HAUS6: variants seen among roughly 807,000 people sequenced by gnomAD.
The protein encoded by HAUS6 is HAUS augmin like complex subunit 6, also known as HAUS augmin-like complex subunit 6.
A neutral mutation model predicts 106.8 loss-of-function variants in HAUS6; 80 were observed. That is an observed-to-expected ratio of 0.75 (90% CI 0.63 to 0.90). The LOEUF is 0.90. Ranked by LOEUF, HAUS6 falls within the 40% of genes least tolerant of loss-of-function variation. The pLI, the probability that HAUS6 is intolerant of heterozygous loss-of-function variation, is 0.00. For missense variants in HAUS6, 1,155 were observed against 1,118.1 expected, an observed-to-expected ratio of 1.03 and a Z score of -0.47; for synonymous variants, 356 against 379.1, an observed-to-expected ratio of 0.94 and a Z score of 0.71.
chr9:19,053,968 A>C lies in HAUS6; in HGVS notation c.*2375T>G, dbSNP rs1227024843. 1 of 152,158 alleles carries C rather than the reference A, an allele frequency of 6.6e-6. No individual in the cohort carries two copies. The highest frequency in any genetic ancestry group is 1.5e-5 in the Non-Finnish European group (1 of 68,008). 9.4% of individuals were successfully genotyped at this position (152,158 alleles called of 1,614,324 possible). ...GCAACCATAAAAAATATATAATAAA[A>C]TCAATTCGTGGGATATTAAATGAAT... On this transcript the variant is annotated 3_prime_UTR_variant, in exon 17 of 17. Coordinates refer to ENST00000380502, the MANE Select transcript of HAUS6 (RefSeq NM_017645.5).
chr9:19,101,355 G>T (rs1817983360), intron 1 of HAUS6, among the ~76,000 whole-genome samples: 1 of 150,160 alleles, frequency 6.7e-6, no homozygotes, highest in African/African-American at 2.5e-5. Flanking sequence ...CCTAGGCATG[G>T]TGCCACGCAC....
chr9:19,102,821 T>C lies in HAUS6; in HGVS notation c.-170A>G. The C allele has an allele frequency of 1.7e-6, 1 of 588,984 alleles. No individual in the cohort carries two copies. The highest frequency in any genetic ancestry group is 2.9e-6 in the Non-Finnish European group (1 of 345,996). The allele number at this position is 588,984 out of a possible 1,614,324, so 36.5% of individuals were successfully genotyped here. On this transcript the variant is annotated 5_prime_UTR_variant, in exon 1 of 17. Transcript: ENST00000380502. Reference sequence around the variant, plus strand: ...TTTCGCCTCAAAGGGCCTCACAACCTCCGGGAAATTGAGTTTCTAACGGTA... The same window carrying C: ...TTTCGCCTCAAAGGGCCTCACAACCCCCGGGAAATTGAGTTTCTAACGGTA...
In HAUS6 at chr9:19,058,377, G is replaced by A; in HGVS notation, c.2390C>T (p.Ala797Val). The change falls in exon 16 of 17, where the codon GCC becomes GTC. Residue 797 changes from alanine (A) to valine (V), a missense_variant. This residue lies in a region of HAUS6 where 380 missense variants were observed against 394.8 expected (regional missense o/e 0.96). Coordinates refer to ENST00000380502, the MANE Select transcript of HAUS6 (RefSeq NM_017645.5). ...LSFNSSSSSEANFKLEPNSPM... is the reference protein window; with the variant it reads ...LSFNSSSSSEVNFKLEPNSPM... ...ACTATTTGGCTCCAGTTTAAAATTG[G>A]CCTCTGAACTACTGGAACTATTAAA... The A allele has an allele frequency of 6.2e-7, 1 of 1,613,784 alleles. No individual in the cohort carries two copies. The highest frequency in any genetic ancestry group is 8.5e-7 in the Non-Finnish European group (1 of 1,179,818).
chr9:19,084,679 C>A (rs62563642), intron 7 of HAUS6, among the ~76,000 whole-genome samples: 21,182 of 149,532 alleles, frequency 0.14, 1,741 homozygotes, highest in African/African-American at 0.24. Flanking sequence ...GTCACCCAGG[C>A]TGGAGTGCAG....
chr9:19,087,455 A>T (rs1196653709), intron 5 of HAUS6, among the ~76,000 whole-genome samples: 1 of 152,226 alleles, frequency 6.6e-6, no homozygotes, highest in Non-Finnish European at 1.5e-5. Context: ...ATGTTATCTA[A>T]TACAGTCAGG....
chr9:19,100,238 T>G (rs888378581), intron 1 of HAUS6, among the ~76,000 whole-genome samples: 1 of 151,638 alleles, frequency 6.6e-6, no homozygotes, highest in African/African-American at 2.4e-5. Context: ...AGCAGGCACC[T>G]GTAATTCCAG....
At chr9:19,086,713 T>C (rs1390936748) in intron 7 of HAUS6, 21 bp downstream of exon 7, 2 of 1,071,090 alleles carry the variant, frequency 1.9e-6, no homozygotes. Context: ...ATTAAATTTC[T>C]CCTTTTATAA....
rs7865126 is a variant in HAUS6 at position 19,102,830 on chromosome 9, T to C, written c.-179A>G. 0.11 allele frequency: 60,762 copies of C among 576,910 alleles called. 3,504 individuals are homozygous for C. Among genetic ancestry groups the C allele is most frequent in the East Asian group, 0.11 (3,456 of 31,318 alleles). 35.7% of individuals were successfully genotyped at this position (576,910 alleles called of 1,614,324 possible). On this transcript the variant is annotated 5_prime_UTR_variant, in exon 1 of 17. Transcript: ENST00000380502. ...AAAGGGCCTCACAACCTCCGGGAAA[T>C]TGAGTTTCTAACGGTATAGTGCGGC... is the stretch of plus-strand genomic sequence containing the variant.
chr9:19,075,685 G>A (rs1256098996), intron 11 of HAUS6, among the ~76,000 whole-genome samples: 1 of 152,202 alleles, frequency 6.6e-6, no homozygotes, highest in Non-Finnish European at 1.5e-5. Context: ...CAGGCACAGT[G>A]GCTCACACCT....
chr9:19,056,608 TTC>T, intron 16 of HAUS6: 1 of 477,166 alleles, frequency 2.1e-6, no homozygotes, highest in South Asian at 3.0e-5. Flanking sequence ...TTTTTTTTTT[TTC>T]TTTTTTCTGC....
Position 19,078,267 on chromosome 9 carries a change from T to A in HAUS6, c.1100A>T (p.His367Leu). The change falls in exon 10 of 17, where the codon CAT (histidine) becomes CTT (leucine). Residue 367 changes from histidine (H) to leucine (L), a missense_variant. His to Leu is a moderately conservative substitution (Grantham distance 99). Around this residue, in one of 3 missense-constraint regions of HAUS6, gnomAD observed 761 missense variants for 690.0 expected, o/e 1.10. Transcript: ENST00000380502. The stretch of plus-strand genomic sequence containing the variant: ...TTCTCCTTGCTTTTCAACAACAGAA[T>A]GTCTTATAGTTGTGAGATCATCTTT... Reference protein sequence around the residue: ...RIKDDLTTIRHSVVEKQGEWH... With the variant: ...RIKDDLTTIRLSVVEKQGEWH... 1 of 1,518,562 alleles carries A rather than the reference T, an allele frequency of 6.6e-7. No homozygotes were observed. 94.1% of individuals were successfully genotyped at this position (1,518,562 alleles called of 1,614,324 possible).
At position 19,076,687 on chromosome 9, in the gene HAUS6, T is replaced by G; in HGVS notation, c.1209A>C (p.Pro403=). ...KGWTPSVDLL[P]PMSPLSFDPA... ...GATCAAACGAAAGGGGAGACATTGG[T>G]GGTAAAAGATCTACAGACTTAAAAC... The change falls in exon 11 of 17, where the codon CCA becomes CCC. Residue 403 remains proline (P), a synonymous_variant. Transcript: ENST00000380502. The G allele has an allele frequency of 6.5e-7, 1 of 1,531,662 alleles. No homozygotes were observed. The allele number at this position is 1,531,662 out of a possible 1,614,324, so 94.9% of individuals were successfully genotyped here. A position where few individuals can be genotyped will look rare whatever the true frequency, so the allele number is the denominator to read the frequency against.
rs1836456268 is a variant in HAUS6 at position 19,055,832 on chromosome 9, T to A, written c.*511A>T. The A allele has an allele frequency of 6.6e-6, 1 of 152,320 alleles. No homozygotes were observed. The highest frequency in any genetic ancestry group is 2.4e-5 in the African/African-American group (1 of 41,452). 9.4% of individuals were successfully genotyped at this position (152,320 alleles called of 1,614,324 possible). A position where few individuals can be genotyped will look rare whatever the true frequency, so the allele number is the denominator to read the frequency against. ...GCTTTTCCAGTCTTAAAATTTGTCA[T>A]CTTGACTACACATCCCAAGGTACTA... On this transcript the variant is annotated 3_prime_UTR_variant, in exon 17 of 17. Coordinates refer to ENST00000380502, the MANE Select transcript of HAUS6 (RefSeq NM_017645.5).
chr9:19,076,754 C>A, intron 10 of HAUS6, 50 bp from the exon 11 acceptor site: 1 of 804,596 alleles, frequency 1.2e-6, no homozygotes, highest in South Asian at 1.4e-5. Flanking sequence ...TGCTAACTAC[C>A]ACAATAACAA....
intron 11 of HAUS6, among the ~76,000 whole-genome samples, chr9:19,071,998 G>A (rs1210189816): frequency 6.6e-6 from 1 of 150,708 alleles, no homozygotes; most frequent in Non-Finnish European, 1.5e-5. Flanking sequence ...AAGGTCAGGA[G>A]TTTGAGACCA....
chr9:19,077,827 G>A (rs1286193795), intron 10 of HAUS6, among the ~76,000 whole-genome samples: 3 of 152,030 alleles, frequency 2.0e-5, no homozygotes, highest in African/African-American at 4.8e-5. Flanking sequence ...TGGGGAGGCC[G>A]AGGCAGGAAG....
rs374754338 is a variant in HAUS6, at chr9:19,080,929, G to C, written c.871-257C>G. On this transcript the variant is annotated intron_variant, in intron 8 of 16. Transcript: ENST00000380502. Reference sequence around the variant, plus strand: ...CTCTACTAAAAATACAAAATTAGCTGGGCGTGGTGGCACATGCCTGTAATC... The same window carrying C: ...CTCTACTAAAAATACAAAATTAGCTCGGCGTGGTGGCACATGCCTGTAATC... Among the ~76,000 whole-genome samples the C allele has an allele frequency of 4.6e-5, 7 of 151,860 alleles. No individual in the cohort carries two copies. The East Asian group carries it at 1.4e-3, about 29-fold the overall frequency.
intron 12 of HAUS6, among the ~76,000 whole-genome samples, chr9:19,067,358 T>C (rs1836782303): frequency 6.6e-6 from 1 of 152,198 alleles, no homozygotes; most frequent in East Asian, 1.9e-4. Flanking sequence ...GCAGACTACT[T>C]CCACGTCCCA....
In HAUS6 at chr9:19,063,585, A is replaced by G. The variant is rs1384442283; in HGVS notation, c.1377-5T>C. The G allele has an allele frequency of 1.3e-6, 2 of 1,595,458 alleles. No homozygotes were observed. The highest frequency in any genetic ancestry group is 2.2e-5 in the East Asian group (1 of 44,792). ...TGCGACAAGAAAGAGGCAGGGCTAA[A>G]AGGAAAAAAGACAACAAATCCAAGT... On this transcript the variant is annotated splice_polypyrimidine_tract_variant and splice_region_variant and intron_variant, in intron 12 of 16. Coordinates refer to ENST00000380502, the MANE Select transcript of HAUS6 (RefSeq NM_017645.5).
Sources: allele counts gnomAD v4.1 joint callset (sites outside exome capture counted in the v4.1 genomes callset), GRCh38; gene constraint gnomAD v4.1.1; regional missense constraint gnomAD v4.1.1; transcripts MANE v1.5; gene names NCBI Gene and HGNC (gene_info 2026-07-23, HGNC 2026-07-21).